Variants in NALCN observed in about 807,000 individuals in gnomAD.
NALCN encodes the protein sodium leak channel NALCN.
Under a neutral mutation model 225.3 loss-of-function variants are expected in NALCN, and 111 were observed. That is an observed-to-expected ratio of 0.49 (90% CI 0.42 to 0.58). The LOEUF (loss-of-function observed/expected upper bound fraction) is 0.58. Ranked by LOEUF, NALCN falls within the 20% of genes least tolerant of loss-of-function variation. The pLI is 0.00. For synonymous variants in NALCN, 764 were observed against 769.0 expected, an observed-to-expected ratio of 0.99 and a Z score of 0.11; for missense variants, 1,378 against 2,202.4, an observed-to-expected ratio of 0.63 and a Z score of 7.49.
At chr13:101,093,004 A>G (rs1180231030) in intron 28 of NALCN, among the ~76,000 whole-genome samples, 2 of 152,202 alleles carry the variant, frequency 1.3e-5, no homozygotes, top group African/African-American at 4.8e-5. Context: ...GCCTTACCAC[A>G]GTGACAAGCA....
At chr13:101,123,844 A>T (rs2036099095) in intron 18 of NALCN, among the ~76,000 whole-genome samples, 2 of 152,192 alleles carry the variant, frequency 1.3e-5, no homozygotes, top group Non-Finnish European at 2.9e-5. Flanking sequence ...ATTCCTAGTA[A>T]TAAATCTAGT....
intron 7 of NALCN, among the ~76,000 whole-genome samples, chr13:101,338,779 C>T (rs1048424369): frequency 6.6e-6 from 1 of 152,184 alleles, no homozygotes; most frequent in African/African-American, 2.4e-5. Context: ...TAAAACTAAG[C>T]TTTGCAAATT....
At chr13:101,080,845 G>A (rs1381289071) in intron 34 of NALCN, among the ~76,000 whole-genome samples, 7 of 151,494 alleles carry the variant, frequency 4.6e-5, no homozygotes, top group African/African-American at 7.3e-5. Context: ...TCTAGAAAAT[G>A]TTAAGTGATA....
chr13:101,267,342 G>T (rs1263567660), intron 10 of NALCN, among the ~76,000 whole-genome samples: 1 of 152,196 alleles, frequency 6.6e-6, no homozygotes, highest in Non-Finnish European at 1.5e-5. Flanking sequence ...TGGTGTGAAA[G>T]AAATCACCTC....
chr13:101,215,811 C>T (rs527445712), intron 13 of NALCN, among the ~76,000 whole-genome samples: 557 of 152,186 alleles, frequency 3.7e-3, no homozygotes, highest in Non-Finnish European at 5.7e-3. Flanking sequence ...CCCGTTAACT[C>T]ATCATTTACA....
intron 11 of NALCN, among the ~76,000 whole-genome samples, chr13:101,252,365 T>C (rs1297170338): frequency 1.3e-5 from 2 of 152,210 alleles, no homozygotes; most frequent in Non-Finnish European, 2.9e-5. Flanking sequence ...AAATAAATAT[T>C]TCCTGTGGGG....
intron 10 of NALCN, among the ~76,000 whole-genome samples, chr13:101,272,069 G>C (rs2140255235): frequency 6.6e-6 from 1 of 152,118 alleles, no homozygotes; most frequent in South Asian, 2.1e-4. Context: ...ATGTATAAGT[G>C]TGTAGGCATG....
chr13:101,268,433 T>C (rs1221586548), intron 10 of NALCN, among the ~76,000 whole-genome samples: 1 of 152,222 alleles, frequency 6.6e-6, no homozygotes, highest in Non-Finnish European at 1.5e-5. Context: ...TGTAGGGTAT[T>C]TGAAAACTCA....
At chr13:101,415,158 C>A (rs1309739738) in intron 1 of NALCN, among the ~76,000 whole-genome samples, 6 of 142,516 alleles carry the variant, frequency 4.2e-5, no homozygotes, top group African/African-American at 1.7e-4. Flanking sequence ...CCGCTCCTCT[C>A]CCAGGCCATA....
At chr13:101,395,495 G>T (rs1226015674) in intron 2 of NALCN, 130 bp from the exon 3 acceptor site, 3 of 775,290 alleles carry the variant, frequency 3.9e-6, no homozygotes, top group Non-Finnish European at 5.8e-6. Context: ...TGAAGAAGAA[G>T]AAATCTAACA....
chr13:101,129,693 C>A (rs2139723297), intron 17 of NALCN, among the ~76,000 whole-genome samples: 1 of 147,282 alleles, frequency 6.8e-6, no homozygotes, highest in South Asian at 2.2e-4. Flanking sequence ...CTGATGTTTT[C>A]AATTTAAATT....
intron 7 of NALCN, among the ~76,000 whole-genome samples, chr13:101,344,284 T>C (rs970481292): frequency 2.0e-5 from 3 of 152,172 alleles, no homozygotes; most frequent in African/African-American, 7.2e-5. Context: ...CTTCTGGATT[T>C]TTGTGAAATA....
chr13:101,146,179 C>T (rs536074447), intron 15 of NALCN, among the ~76,000 whole-genome samples: 2 of 152,260 alleles, frequency 1.3e-5, no homozygotes, highest in South Asian at 2.1e-4. Flanking sequence ...CTGCAGAAAT[C>T]GCTCTTATGT....
intron 7 of NALCN, among the ~76,000 whole-genome samples, chr13:101,319,260 C>T (rs2044662162): frequency 6.6e-6 from 1 of 152,116 alleles, no homozygotes; most frequent in African/African-American, 2.4e-5. Flanking sequence ...AGTCAGGGAA[C>T]CTCATTATCA....
At chr13:101,087,603 C>G (rs1251552176) in intron 30 of NALCN, among the ~76,000 whole-genome samples, 1 of 151,912 alleles carries the variant, frequency 6.6e-6, no homozygotes, top group African/African-American at 2.4e-5. Flanking sequence ...TTGTCAATTT[C>G]TCCTTTCTTT....
At chr13:101,265,343 A>C (rs1298827820) in intron 10 of NALCN, among the ~76,000 whole-genome samples, 1 of 152,156 alleles carries the variant, frequency 6.6e-6, no homozygotes, top group Non-Finnish European at 1.5e-5. Context: ...TACAGATATA[A>C]AACTCATAAC....
chr13:101,157,770 G>A (rs1385711165), intron 15 of NALCN, among the ~76,000 whole-genome samples: 3 of 139,670 alleles, frequency 2.1e-5, no homozygotes, highest in Admixed American at 7.3e-5. Context: ...TTTTTTTCCT[G>A]AGATGGAGTC....
At chr13:101,114,871 G>A (rs2035630132) in intron 18 of NALCN, among the ~76,000 whole-genome samples, 1 of 152,046 alleles carries the variant, frequency 6.6e-6, no homozygotes, top group Non-Finnish European at 1.5e-5. Context: ...CTCCCTTTCT[G>A]GTCTCATCTT....
chr13:101,407,857 T>A (rs1312654902), intron 1 of NALCN, among the ~76,000 whole-genome samples: 3 of 152,228 alleles, frequency 2.0e-5, no homozygotes, highest in Non-Finnish European at 4.4e-5. Flanking sequence ...ATTTATAATT[T>A]CTTTGAAACA....
Sources: allele counts gnomAD v4.1 joint callset (sites outside exome capture counted in the v4.1 genomes callset), GRCh38; gene constraint gnomAD v4.1.1; transcripts MANE v1.5; gene names NCBI Gene and HGNC (gene_info 2026-07-23, HGNC 2026-07-21).